SPPL2C: variants seen among roughly 807,000 people sequenced by gnomAD.
The protein encoded by SPPL2C is signal peptide peptidase like 2C, also known as signal peptide peptidase-like 2C.
Under a neutral mutation model 38.8 loss-of-function variants are expected in SPPL2C, and 33 were observed. The ratio of observed to expected loss-of-function variants is 0.85; its 90% CI spans 0.64 to 1.14. The LOEUF (loss-of-function observed/expected upper bound fraction) is 1.14. Among genes scored for constraint, SPPL2C ranks in the 50% most tolerant of loss-of-function variants. The probability of loss-of-function intolerance (pLI) is 0.00; values close to 1 mark genes in which losing one functional copy is unlikely to be tolerated. For missense variants in SPPL2C, 899 were observed against 904.4 expected, an observed-to-expected ratio of 0.99 and a Z score of 0.08; for synonymous variants, 384 against 390.7, an observed-to-expected ratio of 0.98 and a Z score of 0.20.
In SPPL2C at chr17:45,845,101, C is replaced by G. The variant is rs747577075; in HGVS notation, c.195C>G (p.Thr65=). ...HAPLLPLYDG[T]KAPWCPGEDS... ...CACTCCTGCCCCTGTATGATGGCAC[C>G]AAGGCACCCTGGTGCCCGGGTGAGG... Residue 65 remains threonine, a synonymous_variant, in exon 1 of 1, where the codon ACC becomes ACG. Coordinates refer to ENST00000329196, the MANE Select transcript of SPPL2C (RefSeq NM_175882.3). 1 of 1,613,340 alleles carries G rather than the reference C, an allele frequency of 6.2e-7. No individual in the cohort carries two copies. Among genetic ancestry groups the G allele is most frequent in the Non-Finnish European group, 8.5e-7 (1 of 1,179,420 alleles).
In SPPL2C at chr17:45,846,525, C is replaced by T. The variant is rs750462963; in HGVS notation, c.1619C>T (p.Ala540Val). Residue 540 changes from alanine to valine, a missense_variant, in exon 1 of 1, where the codon GCC (alanine) becomes GTC (valine). Physicochemically the swap from Ala to Val is moderately conservative, Grantham distance 64. Coordinates refer to ENST00000329196, the MANE Select transcript of SPPL2C (RefSeq NM_175882.3). Reference protein sequence around the residue: ...GRAKMCGLGCAPSAGSRQKQE... With the variant: ...GRAKMCGLGCVPSAGSRQKQE... ...GCTAAGATGTGTGGGCTCGGCTGTG[C>T]CCCTTCAGCTGGCTCTAGGCAGAAG... 6.2e-7 allele frequency: 1 copy of T among 1,612,598 alleles called. No individual in the cohort carries two copies. The highest frequency in any genetic ancestry group is 2.2e-5 in the East Asian group (1 of 44,876).
In SPPL2C at chr17:45,846,628, C is replaced by A; in HGVS notation, c.1722C>A (p.Ser574Arg). ...GTSRGAGDLD[S>R]NPGEDTTEIV... Reference sequence around the variant, plus strand: ...GCCGAGGAGCAGGGGACTTAGACAGCAACCCTGGAGAAGACACCACTGAGA... The same window carrying A: ...GCCGAGGAGCAGGGGACTTAGACAGAAACCCTGGAGAAGACACCACTGAGA... Residue 574 changes from serine (S) to arginine (R), a missense_variant, in exon 1 of 1, where the codon AGC becomes AGA. Coordinates refer to ENST00000329196, the MANE Select transcript of SPPL2C (RefSeq NM_175882.3). The A allele has an allele frequency of 1.2e-6, 2 of 1,614,228 alleles. No homozygotes were observed. Among genetic ancestry groups the A allele is most frequent in the Non-Finnish European group, 8.5e-7 (1 of 1,180,040 alleles).
chr17:45,846,379 G>T lies in SPPL2C; in HGVS notation c.1473G>T (p.Met491Ile), dbSNP rs751860880. The change falls in exon 1 of 1, where the codon ATG (methionine) becomes ATT (isoleucine). Residue 491 changes from methionine to isoleucine, a missense_variant. Physicochemically the swap from Met to Ile is conservative, Grantham distance 10. Coordinates refer to ENST00000329196, the MANE Select transcript of SPPL2C (RefSeq NM_175882.3). ...GCCTGCTGGTCACATTCATGGCCATGGTCCTCATGCAGATGGGCCAACCTG... is the reference window on the plus strand; with the variant it reads ...GCCTGCTGGTCACATTCATGGCCATTGTCCTCATGCAGATGGGCCAACCTG... ...AVGLLVTFMAMVLMQMGQPAL... is the reference protein window; with the variant it reads ...AVGLLVTFMAIVLMQMGQPAL... The T allele has an allele frequency of 1.2e-5, 19 of 1,613,654 alleles. No individual in the cohort carries two copies. In the Admixed American group the frequency reaches 2.2e-4, roughly 18 times the overall value.
rs750089987 is a variant in SPPL2C at position 45,846,829 on chromosome 17, G to A, written c.1923G>A (p.Met641Ile). The stretch of plus-strand genomic sequence containing the variant: ...TGCTGATCCCACTCATGCCCCTGAT[G>A]CCCCCGCCCTCAGAGCTGGGCCATG... Reference protein sequence around the residue: ...MAMLIPLMPLMPPPSELGHVH... With the variant: ...MAMLIPLMPLIPPPSELGHVH... Residue 641 changes from methionine to isoleucine, a missense_variant, in exon 1 of 1, where the codon ATG becomes ATA. By Grantham distance (10) the Met-to-Ile change is conservative (BLOSUM62 1). Transcript: ENST00000329196. 6.2e-7 allele frequency: 1 copy of A among 1,613,938 alleles called. No individual in the cohort carries two copies. Among genetic ancestry groups the A allele is most frequent in the Non-Finnish European group, 8.5e-7 (1 of 1,180,004 alleles).
rs151306798 is a variant in SPPL2C, at chr17:45,844,934, G to A, written c.28G>A (p.Val10Met). 2.3e-5 allele frequency: 37 copies of A among 1,609,568 alleles called. No homozygotes were observed. The highest frequency in any genetic ancestry group is 2.8e-5 in the Non-Finnish European group (33 of 1,176,740). Residue 10 changes from valine to methionine, a missense_variant, in exon 1 of 1, where the codon GTG becomes ATG. Val to Met is a conservative substitution (Grantham distance 21). Transcript: ENST00000329196. Reference sequence around the variant, plus strand: ...GGCGTGCCTGGGCTTCCTCCTCCCCGTGGGCTTCCTCCTCCTCATCAGCAC... The same window carrying A: ...GGCGTGCCTGGGCTTCCTCCTCCCCATGGGCTTCCTCCTCCTCATCAGCAC... MACLGFLLPVGFLLLISTVA... is the reference protein window; with the variant it reads MACLGFLLPMGFLLLISTVA...
rs778407683 is a variant in SPPL2C, at chr17:45,846,442, C to T, written c.1536C>T (p.Ser512=). ...LYLVSSTLLT[S]LAVAACRQEL... ...TAGTGTCCAGCACCCTGCTCACCAG[C>T]CTGGCTGTGGCTGCCTGCCGCCAAG... is the stretch of plus-strand genomic sequence containing the variant. Residue 512 remains serine, a synonymous_variant, in exon 1 of 1, where the codon AGC becomes AGT. Transcript: ENST00000329196. The T allele has an allele frequency of 1.4e-5, 23 of 1,612,952 alleles. No individual in the cohort carries two copies. Among genetic ancestry groups the T allele is most frequent in the Admixed American group, 5.0e-5 (3 of 60,006 alleles).
Position 45,846,867 on chromosome 17 carries a change from C to T in SPPL2C, c.1961C>T (p.Ala654Val), listed in dbSNP as rs1344600673. ...PSELGHVHAQ[A>V]QAHETGLPWA... ...GAGCTGGGCCATGTCCATGCCCAGG[C>T]CCAGGCCCACGAGACTGGCCTGCCC... Residue 654 changes from alanine (A) to valine (V), a missense_variant, in exon 1 of 1, where the codon GCC (alanine) becomes GTC (valine). By Grantham distance (64) the Ala-to-Val change is moderately conservative (BLOSUM62 0). Coordinates refer to ENST00000329196, the MANE Select transcript of SPPL2C (RefSeq NM_175882.3). 1.2e-6 allele frequency: 2 copies of T among 1,612,428 alleles called. No homozygotes were observed. Among genetic ancestry groups the T allele is most frequent in the Non-Finnish European group, 8.5e-7 (1 of 1,179,330 alleles).
rs62054816 is a variant in SPPL2C at position 45,846,637 on chromosome 17, A to G, written c.1731A>G (p.Gly577=). 2.4e-3 allele frequency: 3,869 copies of G among 1,614,232 alleles called. 7 individuals are homozygous for G. Among genetic ancestry groups the G allele is most frequent in the Non-Finnish European group, 3.1e-3 (3,646 of 1,180,052 alleles). Residue 577 remains glycine (G), a synonymous_variant, in exon 1 of 1, where the codon GGA becomes GGG. Coordinates refer to ENST00000329196, the MANE Select transcript of SPPL2C (RefSeq NM_175882.3). Reference sequence around the variant, plus strand: ...CAGGGGACTTAGACAGCAACCCTGGAGAAGACACCACTGAGATTGTCACCA... The same window carrying G: ...CAGGGGACTTAGACAGCAACCCTGGGGAAGACACCACTGAGATTGTCACCA... The part of the protein sequence containing the change: ...RGAGDLDSNP[G]EDTTEIVTIS...
In SPPL2C at chr17:45,845,568, G is replaced by A. The variant is rs1223090794; in HGVS notation, c.662G>A (p.Gly221Glu). Residue 221 changes from glycine to glutamate, a missense_variant, in exon 1 of 1, where the codon GGA becomes GAA. By Grantham distance (98) the Gly-to-Glu change is moderately conservative. Coordinates refer to ENST00000329196, the MANE Select transcript of SPPL2C (RefSeq NM_175882.3). ...NRLQRRRARRGGGSGGHHQLQ... is the reference protein window; with the variant it reads ...NRLQRRRARREGGSGGHHQLQ... ...CTACAGCGGCGCCGTGCCCGAAGAG[G>A]AGGGGGGTCTGGTGGTCACCATCAG... The A allele has an allele frequency of 6.2e-7, 1 of 1,604,662 alleles. No individual in the cohort carries two copies. Among genetic ancestry groups the A allele is most frequent in the African/African-American group, 1.3e-5 (1 of 74,822 alleles).
Position 45,845,267 on chromosome 17 carries a change from G to C in SPPL2C, c.361G>C (p.Val121Leu). 1 of 1,613,882 alleles carries C rather than the reference G, an allele frequency of 6.2e-7. No individual in the cohort carries two copies. Among genetic ancestry groups the C allele is most frequent in the Middle Eastern group, 1.7e-4 (1 of 6,054 alleles). Reference protein sequence around the residue: ...QGQGAHGLLIVSRVSDQQCSD... With the variant: ...QGQGAHGLLILSRVSDQQCSD... ...CCAAGGTGCCCACGGGCTGCTCATC[G>C]TGAGCCGGGTCAGTGACCAACAGTG... Residue 121 changes from valine (V) to leucine (L), a missense_variant, in exon 1 of 1, where the codon GTG becomes CTG. Val to Leu is a conservative substitution (Grantham distance 32). Transcript: ENST00000329196.
Position 45,845,632 on chromosome 17 carries a change from A to G in SPPL2C, c.726A>G (p.Glu242=). The G allele has an allele frequency of 6.2e-7, 1 of 1,613,040 alleles. No individual in the cohort carries two copies. Among genetic ancestry groups the G allele is most frequent in the Non-Finnish European group, 8.5e-7 (1 of 1,179,758 alleles). Residue 242 remains glutamate (E), a synonymous_variant, in exon 1 of 1, where the codon GAA becomes GAG. Transcript: ENST00000329196. ...EAAAAEGAQK[E]DNEDIPVDFT... is the part of the protein sequence containing the mutation. ...CAGCAGCTGAGGGAGCCCAGAAGGA[A>G]GATAATGAGGACATCCCAGTGGACT...
rs1432614981 is a variant in SPPL2C, at chr17:45,845,240, G to A, written c.334G>A (p.Gly112Ser). 1 of 1,613,850 alleles carries A rather than the reference G, an allele frequency of 6.2e-7. No homozygotes were observed. Among genetic ancestry groups the A allele is most frequent in the Admixed American group, 1.7e-5 (1 of 60,028 alleles). The change falls in exon 1 of 1, where the codon GGC becomes AGC. Residue 112 changes from glycine (G) to serine (S), a missense_variant. Transcript: ENST00000329196. Reference sequence around the variant, plus strand: ...CCACACGAAAGGCTGGCTGGCTCAGGGCCAAGGTGCCCACGGGCTGCTCAT... The same window carrying A: ...CCACACGAAAGGCTGGCTGGCTCAGAGCCAAGGTGCCCACGGGCTGCTCAT... ...SFHTKGWLAQGQGAHGLLIVS... is the reference protein window; with the variant it reads ...SFHTKGWLAQSQGAHGLLIVS...
Position 45,844,912 on chromosome 17 carries a change from G to T in SPPL2C, c.6G>T (p.Ala2=). ...TGCAGTAGGAACTGAAGAAGATGGCGTGCCTGGGCTTCCTCCTCCCCGTGG... is the reference window on the plus strand; with the variant it reads ...TGCAGTAGGAACTGAAGAAGATGGCTTGCCTGGGCTTCCTCCTCCCCGTGG... M[A]CLGFLLPVGF... Residue 2 remains alanine (A), a synonymous_variant, in exon 1 of 1, where the codon GCG becomes GCT. Coordinates refer to ENST00000329196, the MANE Select transcript of SPPL2C (RefSeq NM_175882.3). The T allele has an allele frequency of 6.2e-7, 1 of 1,601,152 alleles. No homozygotes were observed. The highest frequency in any genetic ancestry group is 1.1e-5 in the South Asian group (1 of 89,940).
At position 45,845,057 on chromosome 17, in the gene SPPL2C, C is replaced by T. The variant is rs376127577; in HGVS notation, c.151C>T (p.Arg51Trp). ...LFSSDYITLP[R>W]DLHHAPLLPL... ...CAGCTCCGACTACATCACCCTCCCC[C>T]GGGACCTGCACCACGCCCCACTCCT... Residue 51 changes from arginine to tryptophan, a missense_variant, in exon 1 of 1, where the codon CGG becomes TGG. Arg to Trp is a moderately radical substitution (Grantham distance 101, BLOSUM62 -3). Coordinates refer to ENST00000329196, the MANE Select transcript of SPPL2C (RefSeq NM_175882.3). The T allele has an allele frequency of 5.0e-6, 8 of 1,614,152 alleles. No homozygotes were observed. The highest frequency in any genetic ancestry group is 2.2e-5 in the East Asian group (1 of 44,876).
Position 45,845,327 on chromosome 17 carries a change from C to A in SPPL2C, c.421C>A (p.Gln141Lys). ...DTTLAPQDPR[Q>K]PLADLTIPVA... ...CACCCTGGCACCCCAGGATCCCCGC[C>A]AGCCCCTGGCAGACCTCACCATCCC... is the stretch of plus-strand genomic sequence containing the variant. The change falls in exon 1 of 1, where the codon CAG becomes AAG. Residue 141 changes from glutamine (Q) to lysine (K), a missense_variant. By Grantham distance (53) the Gln-to-Lys change is moderately conservative. Transcript: ENST00000329196. 1 of 1,614,076 alleles carries A rather than the reference C, an allele frequency of 6.2e-7. No homozygotes were observed.
chr17:45,846,115 C>G lies in SPPL2C; in HGVS notation c.1209C>G (p.Ile403Met). Residue 403 changes from isoleucine (I) to methionine (M), a missense_variant, in exon 1 of 1, where the codon ATC becomes ATG. Coordinates refer to ENST00000329196, the MANE Select transcript of SPPL2C (RefSeq NM_175882.3). ...TPFFTKTGES[I>M]MAQVALGPAE... ...TCTTCACCAAAACCGGTGAGAGCAT[C>G]ATGGCGCAGGTTGCCTTGGGCCCTG... 1 of 1,614,174 alleles carries G rather than the reference C, an allele frequency of 6.2e-7. No homozygotes were observed. Among genetic ancestry groups the G allele is most frequent in the African/African-American group, 1.3e-5 (1 of 75,042 alleles).
rs1371886080 is a variant in SPPL2C at position 45,845,591 on chromosome 17, C to CAGCTGCAGGA, written c.694_703dup (p.Ala235GlyfsTer6). The CAGCTGCAGGA allele has an allele frequency of 1.9e-6, 3 of 1,608,362 alleles. No individual in the cohort carries two copies. Among genetic ancestry groups the CAGCTGCAGGA allele is most frequent in the Non-Finnish European group, 2.5e-6 (3 of 1,177,442 alleles). On this transcript the variant is annotated frameshift_variant, in exon 1 of 1. Coordinates refer to ENST00000329196, the MANE Select transcript of SPPL2C (RefSeq NM_175882.3). LOFTEE classifies it high-confidence loss of function. ...AGGAGGGGGGTCTGGTGGTCACCAT[C>CAGCTGCAGGA]AGCTGCAGGAAGCTGCAGCAGCTGA...
In SPPL2C at chr17:45,847,006, A is replaced by T; in HGVS notation, c.*45A>T. The T allele has an allele frequency of 6.7e-7, 1 of 1,499,912 alleles. No individual in the cohort carries two copies. The highest frequency in any genetic ancestry group is 1.4e-5 in the African/African-American group (1 of 71,728). 92.9% of individuals were successfully genotyped at this position (1,499,912 alleles called of 1,614,324 possible). The stretch of plus-strand genomic sequence containing the variant: ...ACGCCTCTCAAAGGGCTGGTGGAAC[A>T]TTGCAGAGCAAAGCCATGCATGGCA... On this transcript the variant is annotated 3_prime_UTR_variant, in exon 1 of 1. Coordinates refer to ENST00000329196, the MANE Select transcript of SPPL2C (RefSeq NM_175882.3).
chr17:45,845,412 C>G lies in SPPL2C; in HGVS notation c.506C>G (p.Ala169Gly). The G allele has an allele frequency of 6.2e-7, 1 of 1,613,118 alleles. No homozygotes were observed. Among genetic ancestry groups the G allele is most frequent in the Non-Finnish European group, 8.5e-7 (1 of 1,180,028 alleles). Reference sequence around the variant, plus strand: ...ATCCTCAGCCACACTCGTGGGGAGGCCGTCGTCCGCGTGGCCATGTACGCA... The same window carrying G: ...ATCCTCAGCCACACTCGTGGGGAGGGCGTCGTCCGCGTGGCCATGTACGCA... The part of the protein sequence containing the change: ...LDILSHTRGE[A>G]VVRVAMYAPP... Residue 169 changes from alanine (A) to glycine (G), a missense_variant, in exon 1 of 1, where the codon GCC becomes GGC. Ala to Gly is a moderately conservative substitution (Grantham distance 60). Coordinates refer to ENST00000329196, the MANE Select transcript of SPPL2C (RefSeq NM_175882.3).
Sources: allele counts gnomAD v4.1 joint callset, GRCh38; gene constraint gnomAD v4.1.1; transcripts MANE v1.5; gene names NCBI Gene and HGNC (gene_info 2026-07-23, HGNC 2026-07-21).